The following USP35 variants were observed in gnomAD, a reference collection of about 807,000 sequenced individuals.
USP35 encodes ubiquitin specific peptidase 35, also known as ubiquitin carboxyl-terminal hydrolase 35.
Under a neutral mutation model 83.8 loss-of-function variants are expected in USP35, and 69 were observed. The ratio of observed to expected loss-of-function variants is 0.82; its 90% CI spans 0.68 to 1.01. USP35 has a LOEUF of 1.01. USP35 is among the 50% of genes least tolerant of loss of function. The pLI is 0.00. For synonymous variants in USP35, 714 were observed against 589.5 expected (o/e 1.21, Z -3.06); for missense variants, 1,503 against 1,362.5 (o/e 1.10, Z -1.62).
intron 1 of USP35, among the ~76,000 whole-genome samples, chr11:78,193,075 A>G (rs1231913372): frequency 6.6e-6 from 1 of 152,188 alleles, no homozygotes; most frequent in African/African-American, 2.4e-5. Flanking sequence ...TCCACTAGCC[A>G]TCCCAGGGGT....
Position 78,207,450 on chromosome 11 carries a change from T to A in USP35, c.1392-80T>A, listed in dbSNP as rs566755898. On this transcript the variant is annotated intron_variant, in intron 7 of 10. Transcript: ENST00000529308. ...TGTTCTGCCTTTGGCCTAGAGGCTC[T>A]GGGCTGCCTGTGACATGGGTGACTA... 1,506 of 1,435,048 alleles carry A rather than the reference T, an allele frequency of 1.0e-3. 3 individuals are homozygous for A. The highest frequency in any genetic ancestry group is 1.3e-3 in the Non-Finnish European group (1,387 of 1,027,762). The allele number at this position is 1,435,048 out of a possible 1,614,324, so 88.9% of individuals were successfully genotyped here.
chr11:78,233,040 G>GTTTTTTTT, the USP35 span, among the ~76,000 whole-genome samples: 15,448 of 129,308 alleles, frequency 0.12, 959 homozygotes, highest in East Asian at 0.3. Flanking sequence ...GCACTGTTAA[G>GTTTTTTTT]TTTTTTTTTT....
At chr11:78,194,769 G>A (rs897953159) in intron 1 of USP35, among the ~76,000 whole-genome samples, 1 of 152,174 alleles carries the variant, frequency 6.6e-6, no homozygotes, top group African/African-American at 2.4e-5. Context: ...TCCAGCAAAT[G>A]CCTGTCTGCT....
At chr11:78,220,443 T>C in the USP35 span, 1 of 1,570,242 alleles carries the variant, frequency 6.4e-7, no homozygotes, top group Non-Finnish European at 8.7e-7. Context: ...CACTGGGTTT[T>C]GCTGTCACGA....
the USP35 span, among the ~76,000 whole-genome samples, chr11:78,235,278 G>C: frequency 1.3e-5 from 2 of 151,704 alleles, no homozygotes; most frequent in South Asian, 4.2e-4. Flanking sequence ...TCAGTCTCCC[G>C]AGTAGCTGGG....
At chr11:78,220,866 A>C in the USP35 span, among the ~76,000 whole-genome samples, 2 of 152,204 alleles carry the variant, frequency 1.3e-5, no homozygotes, top group Admixed American at 1.3e-4. Flanking sequence ...AGAAAGGAGC[A>C]CATTTCCTTT....
the USP35 span, among the ~76,000 whole-genome samples, chr11:78,236,034 GA>G: frequency 6.6e-6 from 1 of 152,138 alleles, no homozygotes; most frequent in African/African-American, 2.4e-5. Flanking sequence ...AACAATTTGA[GA>G]AAAACTGCCA....
At chr11:78,218,026 C>G (rs1239269414), downstream of USP35, 1 of 153,068 alleles carries the variant, frequency 6.5e-6, no homozygotes, top group African/African-American at 2.4e-5. Flanking sequence ...CCTTCACTTT[C>G]TGCTCCACCC....
chr11:78,219,050 T>C, downstream of USP35: 3 of 539,360 alleles, frequency 5.6e-6, no homozygotes, highest in South Asian at 8.1e-5. Flanking sequence ...CCATTACTGA[T>C]AAAAATCACA....
intron 1 of USP35, among the ~76,000 whole-genome samples, chr11:78,192,386 A>G (rs1863031314): frequency 6.6e-6 from 1 of 152,214 alleles, no homozygotes; most frequent in African/African-American, 2.4e-5. Context: ...TGCCAAGGCC[A>G]TGTTCCTCTC....
chr11:78,199,513 A>G lies in USP35; in HGVS notation c.807-82A>G, dbSNP rs1863269216. ...GTGAGTCAATGTGGGAACCCAGGAC[A>G]TTACGGATAGCCCCTGGGCTGCCCT... is the stretch of plus-strand genomic sequence containing the variant. On this transcript the variant is annotated intron_variant, in intron 3 of 10. Transcript: ENST00000529308. 5.3e-5 allele frequency: 84 copies of G among 1,587,252 alleles called. No individual in the cohort carries two copies. The South Asian group carries it at 9.3e-4, about 18-fold the overall frequency.
the USP35 span, among the ~76,000 whole-genome samples, chr11:78,231,277 G>C: frequency 4.6e-5 from 7 of 152,118 alleles, no homozygotes; most frequent in East Asian, 1.4e-3. Flanking sequence ...CTCTTCCAGA[G>C]GCTATAGAGG....
At position 78,208,969 on chromosome 11, in the gene USP35, G is replaced by C. The variant is rs1863626985; in HGVS notation, c.1592+6G>C. 6.2e-7 allele frequency: 1 copy of C among 1,613,808 alleles called. No homozygotes were observed. ...CTGAAGTACCTGCTGGATCGGTAAG[G>C]GGGCCAGGGCTACGCGAAGACTCCA... On this transcript the variant is annotated splice_donor_region_variant and intron_variant, in intron 9 of 10. Coordinates refer to ENST00000529308, the MANE Select transcript of USP35 (RefSeq NM_020798.4).
At chr11:78,206,402 A>C (rs1863531512) in intron 7 of USP35, among the ~76,000 whole-genome samples, 1 of 152,180 alleles carries the variant, frequency 6.6e-6, no homozygotes, top group African/African-American at 2.4e-5. Flanking sequence ...AAACAAACAC[A>C]ATCTTTATAG....
the USP35 span, chr11:78,226,495 G>A: frequency 6.2e-7 from 1 of 1,613,970 alleles, no homozygotes; most frequent in Non-Finnish European, 8.5e-7. Context: ...TCCATTGCAG[G>A]GAGGGTGTTG....
rs1863919107 is a variant in USP35, at chr11:78,213,777, T to C, written c.3021T>C (p.Gly1007=). 6.5e-7 allele frequency: 1 copy of C among 1,549,788 alleles called. No homozygotes were observed. Among genetic ancestry groups the C allele is most frequent in the Non-Finnish European group, 8.6e-7 (1 of 1,156,442 alleles). ...CTCCAGGGGGCTGCAATCCTGCAGG[T>C]GGCAATGGTGGTGACTTCCACAGAC... is the stretch of plus-strand genomic sequence containing the variant. The part of the protein sequence containing the change: ...EGSPGGCNPA[G]GNGGDFHRLV... The change falls in exon 11 of 11, where the codon GGT becomes GGC. Residue 1007 remains glycine (G), a synonymous_variant. Coordinates refer to ENST00000529308, the MANE Select transcript of USP35 (RefSeq NM_020798.4).
At chr11:78,211,513 T>G (rs1265826584) in intron 10 of USP35, among the ~76,000 whole-genome samples, 9 of 152,222 alleles carry the variant, frequency 5.9e-5, no homozygotes, top group Non-Finnish European at 1.3e-4. Flanking sequence ...CCTCTAGGTC[T>G]TTGAGGAATT....
At chr11:78,230,611 G>A in the USP35 span, among the ~76,000 whole-genome samples, 1 of 152,196 alleles carries the variant, frequency 6.6e-6, no homozygotes, top group African/African-American at 2.4e-5. Flanking sequence ...GAAGGCAGAG[G>A]GCCATATCCT....
At chr11:78,201,418 T>C (rs1282565716) in intron 6 of USP35, among the ~76,000 whole-genome samples, 1 of 152,170 alleles carries the variant, frequency 6.6e-6, no homozygotes, top group Non-Finnish European at 1.5e-5. Flanking sequence ...GTCTCCTCCA[T>C]TGAGAGGATC....
Sources: allele counts gnomAD v4.1 joint callset (sites outside exome capture counted in the v4.1 genomes callset), GRCh38; gene constraint gnomAD v4.1.1; transcripts MANE v1.5; gene names NCBI Gene and HGNC (gene_info 2026-07-23, HGNC 2026-07-21).